MYPN: variants seen among roughly 807,000 people sequenced by gnomAD.
The protein encoded by MYPN is myopalladin.
MYPN carries 63 observed loss-of-function variants against 129.4 expected under a neutral mutation model. That is an observed-to-expected ratio of 0.49 (90% confidence interval 0.40 to 0.60). The LOEUF is 0.60. Among genes scored for constraint, MYPN ranks in the 20% least tolerant of loss-of-function variants. The pLI is 0.00. For missense variants in MYPN, 1,596 were observed against 1,635.4 expected (o/e 0.98, Z 0.42); for synonymous variants, 629 against 600.9 (o/e 1.05, Z -0.68).
intron 8 of MYPN, among the ~76,000 whole-genome samples, chr10:68,163,776 T>C (rs1250626692): frequency 6.6e-6 from 1 of 152,232 alleles, no homozygotes; most frequent in Middle Eastern, 3.2e-3. Flanking sequence ...GATCTAGTGC[T>C]ACGTGACTTT....
upstream of MYPN, among the ~76,000 whole-genome samples, chr10:68,107,748 T>A (rs1273480196): frequency 6.6e-6 from 1 of 152,208 alleles, no homozygotes; most frequent in Non-Finnish European, 1.5e-5. Context: ...TTATTCTACC[T>A]TTTAGTATGA....
chr10:68,172,354 A>G (rs1004852143), intron 10 of MYPN, among the ~76,000 whole-genome samples: 6 of 152,120 alleles, frequency 3.9e-5, no homozygotes, highest in African/African-American at 1.4e-4. Flanking sequence ...GACTCTGCCT[A>G]AAATAATTAA....
chr10:68,119,390 TTTATTTATTTATTTA>T (rs2042207356), intron 1 of MYPN, among the ~76,000 whole-genome samples: 35 of 55,684 alleles, frequency 6.3e-4, no homozygotes, highest in Middle Eastern at 0.021. Flanking sequence ...TTTTATTTTA[TTTATTTATTTATTTA>T]TTTATTTATT....
intron 17 of MYPN, 76 bp from the exon 18 acceptor site, chr10:68,201,753 C>G (rs2134310255): frequency 9.1e-6 from 14 of 1,545,346 alleles, no homozygotes; most frequent in Non-Finnish European, 1.0e-5. Context: ...CACACTCCAG[C>G]CTGGGTGACA....
At chr10:68,153,546 C>CGAGAA (rs2042814633) in intron 6 of MYPN, among the ~76,000 whole-genome samples, 2 of 152,180 alleles carry the variant, frequency 1.3e-5, no homozygotes, top group African/African-American at 4.8e-5. Context: ...GAGGCTTTCT[C>CGAGAA]AGCCTCGTCA....
chr10:68,156,417 T>A lies in MYPN; in HGVS notation c.1318-2069T>A, dbSNP rs114516031. On this transcript the variant is annotated intron_variant, in intron 6 of 19. Transcript: ENST00000358913. ...TTTCCATTCTTGTCGTTAGTAGATG[T>A]TTCGGGAAGACAAATAATAACAAGA... Among the ~76,000 whole-genome samples, 844 of 152,296 alleles carry A rather than the reference T, an allele frequency of 5.5e-3. 9 individuals carry two copies. Among genetic ancestry groups the A allele is most frequent in the African/African-American group, 0.019 (795 of 41,556 alleles).
Position 68,206,900 on chromosome 10 carries a change from T to C in MYPN, c.3790T>C (p.Tyr1264His). Residue 1264 changes from tyrosine to histidine, a missense_variant, in exon 19 of 20, where the codon TAC becomes CAC. Coordinates refer to ENST00000358913, the MANE Select transcript of MYPN (RefSeq NM_032578.4). Reference sequence around the variant, plus strand: ...GTCGTGCACTGCCAGGCTGGATATATACGGTAAGTGTAATGCTGTTAGTTG... The same window carrying C: ...GTCGTGCACTGCCAGGCTGGATATACACGGTAAGTGTAATGCTGTTAGTTG... ...IVSCTARLDIYAQWHHQIPPP... is the reference protein window; with the variant it reads ...IVSCTARLDIHAQWHHQIPPP... 6.2e-7 allele frequency: 1 copy of C among 1,614,156 alleles called. No individual in the cohort carries two copies. Among genetic ancestry groups the C allele is most frequent in the Non-Finnish European group, 8.5e-7 (1 of 1,180,020 alleles).
chr10:68,152,469 C>T (rs1345117962), intron 6 of MYPN, among the ~76,000 whole-genome samples: 3 of 152,076 alleles, frequency 2.0e-5, no homozygotes, highest in Non-Finnish European at 4.4e-5. Context: ...CCAGAGCATA[C>T]CTCTGGCACG....
At position 68,174,475 on chromosome 10, in the gene MYPN, C is replaced by A. The variant is rs1049522983; in HGVS notation, c.2383C>A (p.Pro795Thr). The change falls in exon 11 of 20, where the codon CCA becomes ACA. Residue 795 changes from proline (P) to threonine (T), a missense_variant. Physicochemically the swap from Pro to Thr is conservative, Grantham distance 38. Coordinates refer to ENST00000358913, the MANE Select transcript of MYPN (RefSeq NM_032578.4). ...LPPGPTEPTP[P>T]PFTFSIPSGN... ...ACCAGGCCCAACAGAACCAACACCA[C>A]CACCATTCACATTTTCCATCCCCAG... is the stretch of plus-strand genomic sequence containing the variant. The A allele has an allele frequency of 1.2e-6, 2 of 1,613,884 alleles. No homozygotes were observed. The highest frequency in any genetic ancestry group is 8.5e-7 in the Non-Finnish European group (1 of 1,179,944).
intron 19 of MYPN, among the ~76,000 whole-genome samples, chr10:68,208,954 C>T (rs948111387): frequency 1.3e-5 from 2 of 152,164 alleles, no homozygotes; most frequent in Non-Finnish European, 2.9e-5. Flanking sequence ...AAGAGCAGGC[C>T]TTACTGAGTG....
At chr10:68,169,527 A>G (rs531315088) in intron 10 of MYPN, among the ~76,000 whole-genome samples, 3 of 152,138 alleles carry the variant, frequency 2.0e-5, no homozygotes, top group African/African-American at 7.2e-5. Context: ...TTGAGGGTTT[A>G]TTTTCTCTCA....
chr10:68,173,959 G>T, intron 10 of MYPN, 107 bp from the exon 11 acceptor site: 2 of 952,178 alleles, frequency 2.1e-6, no homozygotes, highest in South Asian at 1.3e-5. Context: ...GAGCCACCAT[G>T]CCCCGCCTAT....
chr10:68,194,247 C>T, intron 13 of MYPN, 116 bp from the exon 14 acceptor site: 1 of 1,092,850 alleles, frequency 9.2e-7, no homozygotes, highest in Non-Finnish European at 1.3e-6. Context: ...TCAAGTGCTT[C>T]ATAAAGTATG....
chr10:68,105,364 A>G (rs922539400), upstream of MYPN, among the ~76,000 whole-genome samples: 1 of 152,264 alleles, frequency 6.6e-6, no homozygotes, highest in South Asian at 2.1e-4. Flanking sequence ...GCACATAGCT[A>G]AGGAATGTTA....
chr10:68,195,828 G>A (rs12357421), intron 15 of MYPN, among the ~76,000 whole-genome samples: 7,908 of 152,028 alleles, frequency 0.052, 239 homozygotes, highest in Middle Eastern at 0.065. Flanking sequence ...TTAGAGACAG[G>A]GTCTCACTTT....
rs2042638650 is a variant in MYPN at position 68,145,031 on chromosome 10, T to A, written c.1079-444T>A. On this transcript the variant is annotated intron_variant, in intron 3 of 19. Coordinates refer to ENST00000358913, the MANE Select transcript of MYPN (RefSeq NM_032578.4). ...AGTGAATCAATGAGTTCATTTCTTT[T>A]TTTTTTTTTTGAGACGGAGTTTTGC... 3.3e-5 allele frequency among the ~76,000 whole-genome samples: 5 copies of A among 152,086 alleles called. No individual in the cohort carries two copies. In the South Asian group the frequency reaches 1.0e-3, roughly 32 times the overall value.
At position 68,131,654 on chromosome 10, in the gene MYPN, C is replaced by G. The variant is rs117247519; in HGVS notation, c.902+9314C>G. On this transcript the variant is annotated intron_variant, in intron 2 of 19. Coordinates refer to ENST00000358913, the MANE Select transcript of MYPN (RefSeq NM_032578.4). The stretch of plus-strand genomic sequence containing the variant: ...TGGTTGTCCTGAGTAGCAGGGACTA[C>G]AGGTGTAAGCCACTATGCCAGCCTT... Among the ~76,000 whole-genome samples, 890 of 152,274 alleles carry G rather than the reference C, an allele frequency of 5.8e-3. 15 individuals are homozygous for G. In the East Asian group the frequency reaches 0.069, roughly 12 times the overall value.
chr10:68,194,628 G>A, intron 14 of MYPN, 116 bp downstream of exon 14: 1 of 1,206,630 alleles, frequency 8.3e-7, no homozygotes, highest in Admixed American at 2.0e-5. Context: ...AAATGAATGA[G>A]AAGCATTGTG....
intron 1 of MYPN, among the ~76,000 whole-genome samples, chr10:68,120,848 A>G (rs895039821): frequency 5.5e-4 from 84 of 152,216 alleles, no homozygotes; most frequent in African/African-American, 1.9e-3. Context: ...CAGTTATGTC[A>G]TGGCCTTCAC....
Sources: allele counts gnomAD v4.1 joint callset (sites outside exome capture counted in the v4.1 genomes callset), GRCh38; gene constraint gnomAD v4.1.1; transcripts MANE v1.5; gene names NCBI Gene and HGNC (gene_info 2026-07-23, HGNC 2026-07-21).